Variants in EPHA6 observed in about 807,000 individuals in gnomAD.
EPHA6 encodes the protein ephrin type-A receptor 6.
EPHA6 carries 50 observed loss-of-function variants against 112.0 expected under a neutral mutation model. The observed-to-expected ratio is 0.45, with a 90% confidence interval of 0.36 to 0.56. EPHA6 has a LOEUF of 0.56. Among genes scored for constraint, EPHA6 ranks in the 20% least tolerant of loss-of-function variants. The pLI is 0.00. For missense variants in EPHA6, 1,280 were observed against 1,417.4 expected (o/e 0.90, Z 1.56); for synonymous variants, 529 against 490.7 (o/e 1.08, Z -1.03).
chr3:97,637,510 C>G (rs1460572805), intron 13 of EPHA6, among the ~76,000 whole-genome samples: 1 of 152,022 alleles, frequency 6.6e-6, no homozygotes, highest in Non-Finnish European at 1.5e-5. Flanking sequence ...AAGCTCACAG[C>G]TATGGAAAGT....
At chr3:97,280,340 C>T (rs2080243807) in intron 5 of EPHA6, among the ~76,000 whole-genome samples, 1 of 152,190 alleles carries the variant, frequency 6.6e-6, no homozygotes, top group Admixed American at 6.5e-5. Flanking sequence ...TAATTTCATA[C>T]AACAGTTCCT....
At chr3:97,035,964 G>A (rs1468342808) in intron 3 of EPHA6, among the ~76,000 whole-genome samples, 1 of 151,942 alleles carries the variant, frequency 6.6e-6, no homozygotes, top group Non-Finnish European at 1.5e-5. Flanking sequence ...GAACTCTCAT[G>A]AATGGGATTA....
At chr3:97,491,832 G>T (rs1184276097) in intron 10 of EPHA6, among the ~76,000 whole-genome samples, 2 of 151,950 alleles carry the variant, frequency 1.3e-5, no homozygotes. Context: ...CCATGTGTTT[G>T]TAGGCAGTGT....
At position 97,268,569 on chromosome 3, in the gene EPHA6, T is replaced by C. The variant is rs537625548; in HGVS notation, c.1606+24282T>C. ...TACCAAAAGTTTAGGAATGGCTATC[T>C]TGGGGATGTGGAATGATAGATTTTT... On this transcript the variant is annotated intron_variant, in intron 5 of 17. Transcript: ENST00000389672. Among the ~76,000 whole-genome samples, 13 of 152,336 alleles carry C rather than the reference T, an allele frequency of 8.5e-5. No homozygotes were observed. The East Asian group carries it at 2.3e-3, about 27-fold the overall frequency.
chr3:96,994,886 C>T (rs571626712), intron 3 of EPHA6, among the ~76,000 whole-genome samples: 4 of 151,432 alleles, frequency 2.6e-5, no homozygotes, highest in South Asian at 4.2e-4. Context: ...ATATGTATCA[C>T]TCAGTATAAC....
intron 11 of EPHA6, among the ~76,000 whole-genome samples, chr3:97,590,691 C>T (rs1007396518): frequency 6.6e-6 from 1 of 151,926 alleles, no homozygotes; most frequent in Non-Finnish European, 1.5e-5. Context: ...TCAATAAATC[C>T]ATAATCAGCT....
At chr3:97,016,795 C>T (rs2044281548) in intron 3 of EPHA6, among the ~76,000 whole-genome samples, 1 of 152,162 alleles carries the variant, frequency 6.6e-6, no homozygotes, top group Non-Finnish European at 1.5e-5. Flanking sequence ...CTAGAATTAT[C>T]ACAGGCATCT....
chr3:97,041,853 C>T (rs936616696), intron 3 of EPHA6, among the ~76,000 whole-genome samples: 13 of 151,960 alleles, frequency 8.6e-5, no homozygotes, highest in African/African-American at 1.2e-4. Context: ...CACTATCATG[C>T]GAACAGCAAG....
At chr3:97,475,787 C>G (rs1439661292) in intron 8 of EPHA6, among the ~76,000 whole-genome samples, 1 of 151,890 alleles carries the variant, frequency 6.6e-6, no homozygotes, top group African/African-American at 2.4e-5. Context: ...AAAGTCAGAA[C>G]AATTTATAGA....
intron 1 of EPHA6, among the ~76,000 whole-genome samples, chr3:96,862,176 G>A (rs75229786): frequency 0.014 from 2,178 of 151,868 alleles, 57 homozygotes; most frequent in African/African-American, 0.049. Context: ...TCTATAATTC[G>A]AAGTATTCTC....
chr3:96,899,656 C>G (rs966915634), intron 2 of EPHA6, among the ~76,000 whole-genome samples: 14 of 152,098 alleles, frequency 9.2e-5, no homozygotes, highest in Admixed American at 7.9e-4. Context: ...ATACATAGCA[C>G]TAGTAAAAAA....
At chr3:97,348,468 C>T (rs1169828240) in intron 5 of EPHA6, among the ~76,000 whole-genome samples, 1 of 151,702 alleles carries the variant, frequency 6.6e-6, no homozygotes, top group East Asian at 1.9e-4. Flanking sequence ...CTTGATTCCA[C>T]ATATAAGATG....
intron 14 of EPHA6, among the ~76,000 whole-genome samples, chr3:97,711,447 G>C (rs149915231): frequency 6.6e-6 from 1 of 151,840 alleles, no homozygotes; most frequent in Admixed American, 6.6e-5. Context: ...ATTCATTCCC[G>C]TGATTATGGA....
chr3:96,987,251 C>CA (rs371088918), intron 2 of EPHA6, 79 bp from the exon 3 acceptor site: 133 of 1,316,744 alleles, frequency 1.0e-4, no homozygotes, highest in African/African-American at 4.0e-4. Flanking sequence ...TTTGGTAAAA[C>CA]AAAAAAAATT....
intron 5 of EPHA6, among the ~76,000 whole-genome samples, chr3:97,376,563 A>T (rs2085371889): frequency 6.6e-6 from 1 of 152,216 alleles, no homozygotes; most frequent in Non-Finnish European, 1.5e-5. Flanking sequence ...CTTACTGTTG[A>T]CTTCTTTTTC....
chr3:97,720,819 G>T (rs1264517284), intron 15 of EPHA6, among the ~76,000 whole-genome samples: 1 of 152,194 alleles, frequency 6.6e-6, no homozygotes, highest in Non-Finnish European at 1.5e-5. Context: ...GGAAAAAAGT[G>T]AATGCTTTCA....
chr3:97,636,671 G>A (rs2093948159), intron 13 of EPHA6, among the ~76,000 whole-genome samples: 1 of 152,032 alleles, frequency 6.6e-6, no homozygotes, highest in South Asian at 2.1e-4. Flanking sequence ...AAGAGACTGT[G>A]TCACCATGAC....
At chr3:97,453,769 T>C (rs1156335960) in intron 7 of EPHA6, among the ~76,000 whole-genome samples, 1 of 151,706 alleles carries the variant, frequency 6.6e-6, no homozygotes, top group Non-Finnish European at 1.5e-5. Context: ...GTAAGAAATT[T>C]GGTTTGTTTT....
intron 7 of EPHA6, among the ~76,000 whole-genome samples, chr3:97,462,065 G>A (rs1175469940): frequency 1.3e-5 from 2 of 152,142 alleles, no homozygotes; most frequent in Admixed American, 1.3e-4. Context: ...GTGGTTAGAA[G>A]CTCGAACTCA....
Sources: allele counts gnomAD v4.1 joint callset (sites outside exome capture counted in the v4.1 genomes callset), GRCh38; gene constraint gnomAD v4.1.1; transcripts MANE v1.5; gene names NCBI Gene and HGNC (gene_info 2026-07-23, HGNC 2026-07-21).